COX11: variants seen among roughly 807,000 people sequenced by gnomAD.
COX11 encodes the protein cytochrome c oxidase assembly protein COX11, mitochondrial.
COX11 carries 18 observed loss-of-function variants against 29.4 expected under a neutral mutation model. The observed-to-expected ratio is 0.61, with a 90% confidence interval of 0.42 to 0.91. COX11 has a LOEUF of 0.91. Ranked by LOEUF, COX11 falls within the 40% of genes least tolerant of loss-of-function variation. The pLI, the probability that COX11 is intolerant of heterozygous loss-of-function variation, is 0.00. For synonymous variants in COX11, 131 were observed against 124.0 expected, an observed-to-expected ratio of 1.06 and a Z score of -0.38; for missense variants, 312 against 346.0, an observed-to-expected ratio of 0.90 and a Z score of 0.78.
downstream of COX11, chr17:54,957,167 C>T (rs905205376): frequency 6.6e-6 from 1 of 152,264 alleles, no homozygotes; most frequent in African/African-American, 2.4e-5. Context: ...CCACCCAACC[C>T]TCTGCATCTC....
intron 1 of COX11, 47 bp from the exon 2 acceptor site, chr17:54,964,899 T>C (rs1278505272): frequency 1.3e-6 from 2 of 1,560,308 alleles, no homozygotes; most frequent in Non-Finnish European, 1.8e-6. Context: ...TAGGTGTTGA[T>C]GATCTATTTA....
chr17:54,963,424 G>A lies in COX11; in HGVS notation c.530C>T (p.Pro177Leu), dbSNP rs866110195. Residue 177 changes from proline to leucine, a missense_variant, in exon 3 of 4, where the codon CCA becomes CTA. By Grantham distance (98) the Pro-to-Leu change is moderately conservative. This residue lies in a region of COX11 where 182 missense variants were observed against 240.0 expected (regional missense o/e 0.76). Coordinates refer to ENST00000299335, the MANE Select transcript of COX11 (RefSeq NM_004375.5). Reference protein sequence around the residue: ...RPQQTEIYVVPGETALAFYRA... With the variant: ...RPQQTEIYVVLGETALAFYRA... ...GTAAAACGCCAGTGCAGTCTCTCCT[G>A]GCACCACCTGTTTTAAAGAATATAT... 6.2e-7 allele frequency: 1 copy of A among 1,607,522 alleles called. No homozygotes were observed. The highest frequency in any genetic ancestry group is 1.3e-5 in the African/African-American group (1 of 74,630).
chr17:54,962,756 A>G lies in COX11; in HGVS notation c.808T>C (p.Leu270=). 3 of 1,611,778 alleles carry G rather than the reference A, an allele frequency of 1.9e-6. No individual in the cohort carries two copies. Among genetic ancestry groups the G allele is most frequent in the Non-Finnish European group, 2.5e-6 (3 of 1,179,150 alleles). Residue 270 remains leucine (L), a synonymous_variant, in exon 4 of 4, where the codon TTG becomes CTG. Coordinates refer to ENST00000299335, the MANE Select transcript of COX11 (RefSeq NM_004375.5). The part of the protein sequence containing the change: ...TFFEAKEGHK[L]PVPGYN ...CTTCAATTATATCCTGGAACTGGCAACTTGTGCCCTTCCTTTGCTTCAAAA... is the reference window on the plus strand; with the variant it reads ...CTTCAATTATATCCTGGAACTGGCAGCTTGTGCCCTTCCTTTGCTTCAAAA...
At chr17:54,964,263 TTTGTTTTCTTTTAGAAGG>T (rs1426373748) in intron 2 of COX11, among the ~76,000 whole-genome samples, 3 of 152,180 alleles carry the variant, frequency 2.0e-5, no homozygotes, top group African/African-American at 7.2e-5. Context: ...AGGCCCTCAA[TTTGTTTTCTTTTAGAAGG>T]ACAGGGATAC....
downstream of COX11, among the ~76,000 whole-genome samples, chr17:54,959,780 A>G (rs1268651641): frequency 6.6e-6 from 1 of 152,070 alleles, no homozygotes; most frequent in South Asian, 2.1e-4. Flanking sequence ...ACCACACATG[A>G]TAATTTTTAT....
chr17:54,956,465 C>T (rs1459499200), downstream of COX11, among the ~76,000 whole-genome samples: 3 of 152,102 alleles, frequency 2.0e-5, no homozygotes, highest in African/African-American at 7.2e-5. Context: ...GCCACCACGC[C>T]TGGCTAATTT....
downstream of COX11, among the ~76,000 whole-genome samples, chr17:54,958,748 A>AAAAAAAAAGG (rs372776781): frequency 5.0e-5 from 6 of 118,956 alleles, no homozygotes; most frequent in South Asian, 2.6e-4. Context: ...AAAAAAAAAA[A>AAAAAAAAAGG]GGGGTTGTTG....
chr17:54,958,747 A>AGGGGGG (rs2077023322), downstream of COX11, among the ~76,000 whole-genome samples: 1 of 114,962 alleles, frequency 8.7e-6, no homozygotes, highest in Non-Finnish European at 2.1e-5. Context: ...AAAAAAAAAA[A>AGGGGGG]AGGGGTTGTT....
Position 54,961,081 on chromosome 17 carries a change from C to G in COX11, c.*1652G>C. 4 of 645,014 alleles carry G rather than the reference C, an allele frequency of 6.2e-6. No individual in the cohort carries two copies. Among genetic ancestry groups the G allele is most frequent in the Non-Finnish European group, 1.1e-5 (4 of 367,116 alleles). 40.0% of individuals were successfully genotyped at this position (645,014 alleles called of 1,614,324 possible). On this transcript the variant is annotated 3_prime_UTR_variant, in exon 4 of 4. Transcript: ENST00000299335. Reference sequence around the variant, plus strand: ...ATGAACTATCAAAACTTATTTATTCCCCTTATACCCTCCCCTATGGAAGAA... The same window carrying G: ...ATGAACTATCAAAACTTATTTATTCGCCTTATACCCTCCCCTATGGAAGAA...
At chr17:54,955,513 T>C (rs1369545400), downstream of COX11, among the ~76,000 whole-genome samples, 3 of 152,172 alleles carry the variant, frequency 2.0e-5, no homozygotes, top group African/African-American at 7.2e-5. Context: ...CCTGATATTT[T>C]AGGGGTTGCC....
exon 1 of COX11, chr17:54,953,833 A>G (rs991758625): frequency 1.3e-5 from 2 of 152,150 alleles, no homozygotes; most frequent in African/African-American, 4.8e-5. Flanking sequence ...TTTTCTCTGA[A>G]TATCTGGGGC....
chr17:54,959,729 G>A (rs1008380743), downstream of COX11, among the ~76,000 whole-genome samples: 1 of 150,384 alleles, frequency 6.6e-6, no homozygotes, highest in African/African-American at 2.5e-5. Flanking sequence ...GTGATCCTCC[G>A]ACCTCAGCTT....
At position 54,962,115 on chromosome 17, in the gene COX11, T is replaced by C. The variant is rs1243137437; in HGVS notation, c.*618A>G. 3.1e-6 allele frequency: 3 copies of C among 956,154 alleles called. No homozygotes were observed. Among genetic ancestry groups the C allele is most frequent in the African/African-American group, 1.8e-5 (1 of 56,690 alleles). The allele number at this position is 956,154 out of a possible 1,614,324, so 59.2% of individuals were successfully genotyped here. A position where few individuals can be genotyped will look rare whatever the true frequency, so the allele number is the denominator to read the frequency against. On this transcript the variant is annotated 3_prime_UTR_variant, in exon 4 of 4. Coordinates refer to ENST00000299335, the MANE Select transcript of COX11 (RefSeq NM_004375.5). ...GATGTATTTTATTTCAATTTTATGA[T>C]ACTACAGTTTCAAAGTAATTATTCA...
downstream of COX11, among the ~76,000 whole-genome samples, chr17:54,955,517 G>A (rs985464916): frequency 6.6e-6 from 1 of 152,078 alleles, no homozygotes; most frequent in African/African-American, 2.4e-5. Flanking sequence ...ATATTTTAGG[G>A]GTTGCCACAG....
At chr17:54,968,664 C>G (rs2077325239), upstream of COX11, 1 of 1,590,876 alleles carries the variant, frequency 6.3e-7, no homozygotes, top group South Asian at 1.1e-5. Context: ...TGAACTAACA[C>G]CCACCCGCCT....
chr17:54,964,933 G>T, intron 1 of COX11, 81 bp from the exon 2 acceptor site: 1 of 1,394,200 alleles, frequency 7.2e-7, no homozygotes, highest in Non-Finnish European at 9.9e-7. Context: ...TAAAAACAAT[G>T]TAGTATTTAT....
chr17:54,962,865 C>T lies in COX11; in HGVS notation c.699G>A (p.Met233Ile). 1 of 1,613,114 alleles carries T rather than the reference C, an allele frequency of 6.2e-7. No individual in the cohort carries two copies. Among genetic ancestry groups the T allele is most frequent in the Non-Finnish European group, 8.5e-7 (1 of 1,179,316 alleles). Reference protein sequence around the residue: ...QRLNPQEEVDMPVFFYIDPEF... With the variant: ...QRLNPQEEVDIPVFFYIDPEF... ...CAGGATCAATGTAGAAAAACACTGG[C>T]ATATCTACTTCCTCTTGGGGATTAA... The change falls in exon 4 of 4, where the codon ATG becomes ATA. Residue 233 changes from methionine (M) to isoleucine (I), a missense_variant. Coordinates refer to ENST00000299335, the MANE Select transcript of COX11 (RefSeq NM_004375.5).
chr17:54,964,550 T>C, intron 2 of COX11, 147 bp downstream of exon 2: 2 of 759,570 alleles, frequency 2.6e-6, no homozygotes, highest in Non-Finnish European at 4.2e-6. Flanking sequence ...TTAAGTTACA[T>C]GATAGTAAAA....
chr17:54,958,038 A>G (rs953937517), downstream of COX11: 13 of 152,224 alleles, frequency 8.5e-5, no homozygotes, highest in Non-Finnish European at 4.4e-5. Flanking sequence ...TGCAATTCTT[A>G]GTTAAGTGAA....
Sources: allele counts gnomAD v4.1 joint callset (sites outside exome capture counted in the v4.1 genomes callset), GRCh38; gene constraint gnomAD v4.1.1; regional missense constraint gnomAD v4.1.1; transcripts MANE v1.5; gene names NCBI Gene and HGNC (gene_info 2026-07-23, HGNC 2026-07-21).